Variants in PCDHGA1 observed in about 807,000 individuals in gnomAD.
PCDHGA1 encodes the protein protocadherin gamma subfamily A, 1, also known as protocadherin gamma-A1.
Under a neutral mutation model 58.0 loss-of-function variants are expected in PCDHGA1, and 32 were observed. That is an observed-to-expected ratio of 0.55 (90% CI 0.42 to 0.74). The LOEUF (loss-of-function observed/expected upper bound fraction) is 0.74. Among genes scored for constraint, PCDHGA1 ranks in the 30% least tolerant of loss-of-function variants. PCDHGA1 has a pLI of 0.00. For missense variants in PCDHGA1, 1,205 were observed against 1,182.3 expected, an observed-to-expected ratio of 1.02 and a Z score of -0.28; for synonymous variants, 498 against 501.1, an observed-to-expected ratio of 0.99 and a Z score of 0.08.
intron 1 of PCDHGA1, among the ~76,000 whole-genome samples, chr5:141,474,417 C>CCATT (rs1206525105): frequency 6.6e-6 from 1 of 152,222 alleles, no homozygotes; most frequent in East Asian, 1.9e-4. Context: ...GATGCCTAGA[C>CCATT]CATTGGTCCT....
chr5:141,489,944 T>C lies in PCDHGA1; in HGVS notation c.2422-4863T>C. On this transcript the variant is annotated intron_variant, in intron 1 of 3. Coordinates refer to ENST00000517417, the MANE Select transcript of PCDHGA1 (RefSeq NM_018912.3). The surrounding 1 kb of genome is among the most constrained non-coding windows in gnomAD (Gnocchi z 4.5). Reference sequence around the variant, plus strand: ...CTTATCTCTGTCATCGTGCTGGACATCAATGATAATGCTCCAACCTTCCAA... The same window carrying C: ...CTTATCTCTGTCATCGTGCTGGACACCAATGATAATGCTCCAACCTTCCAA... 6.2e-7 allele frequency: 1 copy of C among 1,614,172 alleles called. No homozygotes were observed. Among genetic ancestry groups the C allele is most frequent in the Non-Finnish European group, 8.5e-7 (1 of 1,180,010 alleles).
At chr5:141,403,773 A>G (rs1286965459) in intron 1 of PCDHGA1, 5 of 1,613,956 alleles carry the variant, frequency 3.1e-6, no homozygotes, top group Non-Finnish European at 4.2e-6. Flanking sequence ...GAGGGAATCA[A>G]CGGAAAAGTG....
intron 1 of PCDHGA1, chr5:141,364,455 G>C (rs753233498): frequency 1.9e-6 from 3 of 1,614,000 alleles, no homozygotes; most frequent in South Asian, 1.1e-5. Flanking sequence ...CTGGACAAAG[G>C]CTCCTTCGTC....
intron 1 of PCDHGA1, chr5:141,410,112 C>T (rs775292594): frequency 1.9e-6 from 3 of 1,612,566 alleles, no homozygotes; most frequent in East Asian, 4.5e-5. Context: ...GACAGGGACG[C>T]AGCCCGCCAG....
intron 1 of PCDHGA1, among the ~76,000 whole-genome samples, chr5:141,453,067 C>T (rs1227122711): frequency 1.3e-5 from 2 of 152,024 alleles, no homozygotes; most frequent in Admixed American, 6.6e-5. Flanking sequence ...AGAGTTTTGC[C>T]ACACTCTGGT....
rs575872277 is a variant in PCDHGA1, at chr5:141,511,848, G to A, written c.*675G>A. The A allele has an allele frequency of 6.4e-6, 1 of 156,684 alleles. No individual in the cohort carries two copies. The highest frequency in any genetic ancestry group is 2.0e-4 in the South Asian group (1 of 5,078). The allele number at this position is 156,684 out of a possible 1,614,324, so 9.7% of individuals were successfully genotyped here. A position where few individuals can be genotyped will look rare whatever the true frequency, so the allele number is the denominator to read the frequency against. ...GCCCTGGGGACCAGTCTTCTGTTTT[G>A]TTTTTCATTGTTTGACGTTTCCACT... On this transcript the variant is annotated 3_prime_UTR_variant, in exon 4 of 4. Transcript: ENST00000517417.
At chr5:141,346,230 G>C in intron 1 of PCDHGA1, 1 of 1,614,176 alleles carries the variant, frequency 6.2e-7, no homozygotes, top group South Asian at 1.1e-5. Flanking sequence ...AGGCGGCTTG[G>C]CGAGTACGCC....
chr5:141,380,133 TA>T (rs926535688), intron 1 of PCDHGA1, among the ~76,000 whole-genome samples: 12 of 151,832 alleles, frequency 7.9e-5, no homozygotes, highest in African/African-American at 2.9e-4. Context: ...CTCCTGACCT[TA>T]AGTGATCCAC....
In PCDHGA1 at chr5:141,331,377, G is replaced by C. The variant is rs1328205144; in HGVS notation, c.693G>C (p.Gln231His). 2.6e-5 allele frequency: 42 copies of C among 1,614,034 alleles called. No individual in the cohort carries two copies. The highest frequency in any genetic ancestry group is 3.4e-5 in the Non-Finnish European group (40 of 1,180,048). ...CAGGGACCCTCAGAATTTACATTCA[G>C]GTGGTGGATGCAAATGACAATCCTC... ...VRSGTLRIYI[Q>H]VVDANDNPPA... is the part of the protein sequence containing the mutation. The change falls in exon 1 of 4, where the codon CAG becomes CAC. Residue 231 changes from glutamine to histidine, a missense_variant. Transcript: ENST00000517417.
intron 1 of PCDHGA1, chr5:141,419,537 C>G (rs368875631): frequency 1.2e-6 from 2 of 1,612,040 alleles, no homozygotes; most frequent in Non-Finnish European, 1.7e-6. Flanking sequence ...CGACAACGCA[C>G]CGCGGGTGCT....
chr5:141,440,527 T>G (rs1282939317), intron 1 of PCDHGA1: 3 of 152,222 alleles, frequency 2.0e-5, no homozygotes, highest in African/African-American at 7.2e-5. Context: ...TGAAGAATCA[T>G]GCACCACGGT....
intron 1 of PCDHGA1, chr5:141,479,247 C>A (rs1428944159): frequency 6.6e-6 from 1 of 152,084 alleles, no homozygotes; most frequent in Non-Finnish European, 1.5e-5. Flanking sequence ...CAAAGATAAC[C>A]ATTTTTAATT....
At chr5:141,442,029 A>C in intron 1 of PCDHGA1, 1 of 210,292 alleles carries the variant, frequency 4.8e-6, no homozygotes, top group Non-Finnish European at 9.8e-6. Context: ...CAGGAAAGCG[A>C]CTCGCCAGCG....
chr5:141,399,442 A>G, intron 1 of PCDHGA1: 1 of 1,613,996 alleles, frequency 6.2e-7, no homozygotes. Context: ...CCTACATATC[A>G]GAGACGTCAA....
intron 2 of PCDHGA1, among the ~76,000 whole-genome samples, chr5:141,505,069 G>A (rs2099843308): frequency 2.0e-5 from 3 of 152,340 alleles, no homozygotes; most frequent in East Asian, 1.9e-4. Flanking sequence ...GACTGAGGCA[G>A]GAGAATCGCT....
rs1419985074 is a variant in PCDHGA1, at chr5:141,431,009, T to C, written c.2422-63798T>C. On this transcript the variant is annotated intron_variant, in intron 1 of 3. Transcript: ENST00000517417. The surrounding 1 kb of genome is among the most constrained non-coding windows in gnomAD (Gnocchi z 4.8). ...CGCCCTGAATCCGCGCAGCGGCAGC[T>C]TGGTCACGGCGGGCAGGATAGACCG... The C allele has an allele frequency of 3.7e-6, 6 of 1,613,884 alleles. No individual in the cohort carries two copies. Among genetic ancestry groups the C allele is most frequent in the Non-Finnish European group, 5.1e-6 (6 of 1,179,984 alleles).
Position 141,477,609 on chromosome 5 carries a change from A to T in PCDHGA1, c.2422-17198A>T, listed in dbSNP as rs775454070. The T allele has an allele frequency of 6.2e-7, 1 of 1,614,192 alleles. No homozygotes were observed. The highest frequency in any genetic ancestry group is 1.1e-5 in the South Asian group (1 of 91,082). ...GCTCGGCTTTCTTTCTTTCTCTTGG[A>T]GCAAGGAGCTGAAACCGGGCTAGTG... On this transcript the variant is annotated intron_variant, in intron 1 of 3. Transcript: ENST00000517417. The surrounding 1 kb of genome is among the most constrained non-coding windows in gnomAD (Gnocchi z 4.9).
chr5:141,505,803 C>T (rs920849273), intron 3 of PCDHGA1, among the ~76,000 whole-genome samples: 29 of 152,116 alleles, frequency 1.9e-4, no homozygotes, highest in African/African-American at 6.5e-4. Flanking sequence ...GGACTTGGAT[C>T]GACTTGCTCA....
intron 1 of PCDHGA1, chr5:141,399,529 G>A (rs946281582): frequency 3.1e-6 from 5 of 1,613,892 alleles, no homozygotes; most frequent in Non-Finnish European, 4.2e-6. Flanking sequence ...GGCCTCCATC[G>A]CGCAAGTCTG....
Sources: allele counts gnomAD v4.1 joint callset (sites outside exome capture counted in the v4.1 genomes callset), GRCh38; gene constraint gnomAD v4.1.1; non-coding constraint Gnocchi (gnomAD v3.1); transcripts MANE v1.5; gene names NCBI Gene and HGNC (gene_info 2026-07-23, HGNC 2026-07-21).